WDR37: variants seen among roughly 807,000 people sequenced by gnomAD.
WDR37 encodes the protein WD repeat-containing protein 37.
Under a neutral mutation model 62.9 loss-of-function variants are expected in WDR37, and 19 were observed. The ratio of observed to expected loss-of-function variants is 0.30; its 90% CI spans 0.21 to 0.44. WDR37 has a LOEUF of 0.44. Ranked by LOEUF, WDR37 falls within the 20% of genes least tolerant of loss-of-function variation. WDR37 has a pLI of 1.00. For missense variants in WDR37, 474 were observed against 657.6 expected (o/e 0.72, Z 3.05); for synonymous variants, 250 against 260.9 (o/e 0.96, Z 0.40).
In WDR37 at chr10:1,103,699, C is replaced by A. The variant is rs780077452; in HGVS notation, c.824C>A (p.Thr275Lys). Residue 275 changes from threonine to lysine, a missense_variant, in exon 10 of 14, where the codon ACA becomes AAA. Coordinates refer to ENST00000263150, the MANE Select transcript of WDR37 (RefSeq NM_014023.4). This position sits in a 1 kb window ranked among gnomAD's most constrained non-coding sequence, Gnocchi z 6.3. Reference sequence around the variant, plus strand: ...TGCCCCACCATCCGCGTCCCACTGACATCCCTCAAGAGCCACCAGGGCGTG... The same window carrying A: ...TGCCCCACCATCCGCGTCCCACTGAAATCCCTCAAGAGCCACCAGGGCGTG... ...SDCPTIRVPLTSLKSHQGVVI... is the reference protein window; with the variant it reads ...SDCPTIRVPLKSLKSHQGVVI... The A allele has an allele frequency of 6.2e-7, 1 of 1,614,252 alleles. No homozygotes were observed. Among genetic ancestry groups the A allele is most frequent in the Non-Finnish European group, 8.5e-7 (1 of 1,180,046 alleles).
chr10:1,126,384 C>A lies in WDR37; in HGVS notation c.1353+1360C>A, dbSNP rs372758011. On this transcript the variant is annotated intron_variant, in intron 13 of 13. Transcript: ENST00000263150. ...TCGCGCCACTGCACTCCAGCCTGGG[C>A]GACAGAGCGAGACTGTGTCTCAGAA... Among the ~76,000 whole-genome samples, 117 of 146,740 alleles carry A rather than the reference C, an allele frequency of 8.0e-4. 1 individual carries two copies. In the East Asian group the frequency reaches 9.8e-3, roughly 12 times the overall value.
chr10:1,077,463 C>G (rs1833912417), intron 2 of WDR37, among the ~76,000 whole-genome samples: 1 of 152,026 alleles, frequency 6.6e-6, no homozygotes, highest in South Asian at 2.1e-4. Context: ...GCTTAAAGTG[C>G]AGTGGGTGTG....
chr10:1,095,854 C>G (rs759381658), intron 8 of WDR37, among the ~76,000 whole-genome samples: 1 of 152,130 alleles, frequency 6.6e-6, no homozygotes, highest in Non-Finnish European at 1.5e-5. Flanking sequence ...GATAGGGTTT[C>G]TTAGGTTAGA....
In WDR37 at chr10:1,063,619, T is replaced by G. The variant is rs572340744; in HGVS notation, c.-41+6651T>G. Among the ~76,000 whole-genome samples the G allele has an allele frequency of 1.2e-4, 18 of 152,270 alleles. No homozygotes were observed. The East Asian group carries it at 3.3e-3, about 28-fold the overall frequency. On this transcript the variant is annotated intron_variant, in intron 1 of 13. Coordinates refer to ENST00000263150, the MANE Select transcript of WDR37 (RefSeq NM_014023.4). ...TGCTGGGTGGTGACAGAGCACAGCC[T>G]CCTTTCTGCTAGGGTATCATAAGAG...
At chr10:1,111,665 T>C (rs1361804869) in intron 11 of WDR37, among the ~76,000 whole-genome samples, 1 of 152,210 alleles carries the variant, frequency 6.6e-6, no homozygotes, top group Admixed American at 6.5e-5. Flanking sequence ...CATCTCTGTA[T>C]TATAGCAGGA....
intron 13 of WDR37, among the ~76,000 whole-genome samples, chr10:1,126,289 C>T (rs1311562809): frequency 1.2e-4 from 18 of 151,650 alleles, no homozygotes; most frequent in African/African-American, 1.9e-4. Flanking sequence ...GTCTGTAGTC[C>T]CAGCTACTCG....
In WDR37 at chr10:1,131,691, T is replaced by TTTGC. The variant is rs1835950696; in HGVS notation, c.*2347_*2348insTTGC. The TTTGC allele has an allele frequency of 6.6e-6, 1 of 151,338 alleles. No individual in the cohort carries two copies. The highest frequency in any genetic ancestry group is 2.1e-4 in the South Asian group (1 of 4,814). The allele number at this position is 151,338 out of a possible 1,614,324, so 9.4% of individuals were successfully genotyped here. On this transcript the variant is annotated 3_prime_UTR_variant, in exon 14 of 14. Transcript: ENST00000263150. Reference sequence around the variant, plus strand: ...CAGACAAGATCGGGGATGGTGTGTGTGTGTGTGTGTGTGTGTGTGTGCACG... The same window carrying TTTGC: ...CAGACAAGATCGGGGATGGTGTGTGTTTGCGTGTGTGTGTGTGTGTGTGTGCACG...
rs764486720 is a variant in WDR37 at position 1,080,008 on chromosome 10, C to T, written c.236-3C>T. 1.2e-6 allele frequency: 2 copies of T among 1,613,558 alleles called. No homozygotes were observed. The highest frequency in any genetic ancestry group is 1.7e-4 in the Middle Eastern group (1 of 6,060). On this transcript the variant is annotated splice_polypyrimidine_tract_variant and splice_region_variant and intron_variant, in intron 3 of 13. Transcript: ENST00000263150. The stretch of plus-strand genomic sequence containing the variant: ...AGATTTTTGAAAACTTTTTTCTTCC[C>T]AGTACGTAGAGAAATCGACACTCTT...
intron 5 of WDR37, among the ~76,000 whole-genome samples, chr10:1,082,112 A>G (rs866985530): frequency 6.6e-6 from 1 of 152,240 alleles, no homozygotes; most frequent in African/African-American, 2.4e-5. Flanking sequence ...ATGAAAATAT[A>G]AGACATCTGA....
At chr10:1,107,161 A>G (rs1270021563) in intron 11 of WDR37, among the ~76,000 whole-genome samples, 1 of 152,210 alleles carries the variant, frequency 6.6e-6, no homozygotes, top group Non-Finnish European at 1.5e-5. Context: ...CTCATTGGTG[A>G]GGAAGATGCT....
intron 13 of WDR37, among the ~76,000 whole-genome samples, chr10:1,127,842 G>C (rs1835847706): frequency 6.6e-6 from 1 of 152,204 alleles, no homozygotes; most frequent in Non-Finnish European, 1.5e-5. Flanking sequence ...GGGTGCATCT[G>C]CTTCCTGGGT....
At chr10:1,116,300 C>G (rs1358708610) in intron 11 of WDR37, among the ~76,000 whole-genome samples, 2 of 151,322 alleles carry the variant, frequency 1.3e-5, no homozygotes, top group African/African-American at 4.9e-5. Context: ...TGCCATGTCT[C>G]TCAGTCCTCC....
At chr10:1,116,159 C>T (rs1376629428) in intron 11 of WDR37, among the ~76,000 whole-genome samples, 1 of 152,106 alleles carries the variant, frequency 6.6e-6, no homozygotes, top group African/African-American at 2.4e-5. Flanking sequence ...CGCCCCAGGT[C>T]TCCACTCTGT....
In WDR37 at chr10:1,131,913, C is replaced by A. The variant is rs1435228911; in HGVS notation, c.*2569C>A. The stretch of plus-strand genomic sequence containing the variant: ...AGCCATGCTGTTGGGCAAAGCAACT[C>A]TTTTTCAACCACTGCTCATCAGTTT... On this transcript the variant is annotated 3_prime_UTR_variant, in exon 14 of 14. Coordinates refer to ENST00000263150, the MANE Select transcript of WDR37 (RefSeq NM_014023.4). 4 of 152,580 alleles carry A rather than the reference C, an allele frequency of 2.6e-5. No individual in the cohort carries two copies. The highest frequency in any genetic ancestry group is 5.9e-5 in the Non-Finnish European group (4 of 68,024). 9.5% of individuals were successfully genotyped at this position (152,580 alleles called of 1,614,324 possible).
rs1453123042 is a variant in WDR37, at chr10:1,105,038, G to T, written c.962-88G>T. On this transcript the variant is annotated intron_variant, in intron 10 of 13. Coordinates refer to ENST00000263150, the MANE Select transcript of WDR37 (RefSeq NM_014023.4). This position sits in a 1 kb window ranked among gnomAD's most constrained non-coding sequence, Gnocchi z 5.3. ...GTCAGGTTCACAGTCTCAGAGAGAC[G>T]GCTTCTTGGGTTCTTGTGCTGTTGA... 2.6e-6 allele frequency: 4 copies of T among 1,517,736 alleles called. No homozygotes were observed. The highest frequency in any genetic ancestry group is 2.7e-6 in the Non-Finnish European group (3 of 1,116,866). The allele number at this position is 1,517,736 out of a possible 1,614,324, so 94.0% of individuals were successfully genotyped here.
intron 7 of WDR37, among the ~76,000 whole-genome samples, chr10:1,091,129 A>G (rs1334514958): frequency 2.0e-5 from 3 of 152,220 alleles, no homozygotes; most frequent in Non-Finnish European, 2.9e-5. Context: ...AACTGCCTCC[A>G]CAGCTCCCGT....
At chr10:1,123,876 G>A (rs2131692461) in intron 11 of WDR37, 1 of 222,082 alleles carries the variant, frequency 4.5e-6, no homozygotes, top group Non-Finnish European at 8.9e-6. Context: ...AGTTGTTGTT[G>A]GAATGGATTT....
At chr10:1,080,382 G>A (rs772267226) in intron 4 of WDR37, 30 bp from the exon 5 acceptor site, 1 of 1,613,904 alleles carries the variant, frequency 6.2e-7, no homozygotes, top group South Asian at 1.1e-5. Flanking sequence ...TTGTGTGATT[G>A]TGTTTGATTG....
intron 11 of WDR37, among the ~76,000 whole-genome samples, chr10:1,119,205 T>C (rs1184658955): frequency 6.6e-6 from 1 of 152,206 alleles, no homozygotes; most frequent in Non-Finnish European, 1.5e-5. Context: ...CTTGACGTTC[T>C]AGGATGATAA....
Sources: gnomAD v4.1 joint callset for allele counts (sites outside exome capture counted in the v4.1 genomes callset) on GRCh38, gnomAD v4.1.1 for gene constraint, Gnocchi (gnomAD v3.1) non-coding constraint, MANE v1.5 for transcripts, NCBI Gene and HGNC (gene_info 2026-07-23, HGNC 2026-07-21) for gene names.